C8orf34: variants seen among roughly 807,000 people sequenced by gnomAD.
C8orf34 encodes the protein chromosome 8 open reading frame 34.
C8orf34 carries 65 observed loss-of-function variants against 68.3 expected under a neutral mutation model. That is an observed-to-expected ratio of 0.95 (90% CI 0.78 to 1.17). The LOEUF is 1.17. Among genes scored for constraint, C8orf34 ranks in the 50% most tolerant of loss-of-function variants. The probability of loss-of-function intolerance (pLI) is 0.00; values close to 1 mark genes in which losing one functional copy is unlikely to be tolerated. For synonymous variants in C8orf34, 244 were observed against 241.2 expected (o/e 1.01, Z -0.11); for missense variants, 664 against 655.4 (o/e 1.01, Z -0.14).
chr8:68,794,505 A>ATATATATTTTTTT (rs1313909362), intron 12 of C8orf34, among the ~76,000 whole-genome samples: 4 of 62,252 alleles, frequency 6.4e-5, no homozygotes, highest in African/African-American at 3.7e-4. Context: ...ATATATATAT[A>ATATATATTTTTTT]TTTTTTTTTT....
At chr8:68,801,595 T>C (rs1219683184) in intron 12 of C8orf34, among the ~76,000 whole-genome samples, 3 of 152,218 alleles carry the variant, frequency 2.0e-5, no homozygotes. Flanking sequence ...ATTTAAAAAA[T>C]GTTAACAGTG....
intron 7 of C8orf34, among the ~76,000 whole-genome samples, chr8:68,604,504 A>G (rs1563556447): frequency 6.6e-6 from 1 of 152,166 alleles, no homozygotes; most frequent in Non-Finnish European, 1.5e-5. Flanking sequence ...ATAAGTGCAG[A>G]TATTTTTAAT....
rs1431662394 is a variant in C8orf34 at position 68,585,905 on chromosome 8, C to T, written c.1105+52756C>T. Among the ~76,000 whole-genome samples, 3 of 152,236 alleles carry T rather than the reference C, an allele frequency of 2.0e-5. No homozygotes were observed. The East Asian group carries it at 5.8e-4, about 29-fold the overall frequency. On this transcript the variant is annotated intron_variant, in intron 7 of 13. Coordinates refer to ENST00000518698, the MANE Select transcript of C8orf34 (RefSeq NM_052958.4). Reference sequence around the variant, plus strand: ...TTTTATGAGTTAGCCTCAGAAGTAACATACCATCACTTCTGCCATATTCTA... The same window carrying T: ...TTTTATGAGTTAGCCTCAGAAGTAATATACCATCACTTCTGCCATATTCTA...
At chr8:68,459,331 G>T (rs968480388) in intron 3 of C8orf34, among the ~76,000 whole-genome samples, 1 of 152,148 alleles carries the variant, frequency 6.6e-6, no homozygotes, top group Admixed American at 6.5e-5. Flanking sequence ...CCAGGTTCAA[G>T]TGATTCTCCT....
At chr8:68,704,657 C>T (rs2130945979) in intron 8 of C8orf34, among the ~76,000 whole-genome samples, 1 of 152,248 alleles carries the variant, frequency 6.6e-6, no homozygotes, top group Non-Finnish European at 1.5e-5. Flanking sequence ...CATCCACCCA[C>T]AACTCTTCAT....
chr8:68,749,390 T>TA (rs1013557812), intron 10 of C8orf34, among the ~76,000 whole-genome samples: 4 of 150,124 alleles, frequency 2.7e-5, no homozygotes, highest in African/African-American at 7.4e-5. Flanking sequence ...AATATAATAA[T>TA]AAAAAAAAGA....
chr8:68,666,429 T>C (rs1249952897), intron 8 of C8orf34, among the ~76,000 whole-genome samples: 1 of 152,224 alleles, frequency 6.6e-6, no homozygotes, highest in African/African-American at 2.4e-5. Flanking sequence ...TATTGCTGTT[T>C]AAAGGAGAAT....
intron 10 of C8orf34, among the ~76,000 whole-genome samples, chr8:68,743,341 A>G (rs986707574): frequency 3.3e-5 from 5 of 152,162 alleles, no homozygotes; most frequent in African/African-American, 4.8e-5. Context: ...TTTAGGTATT[A>G]TAAGATTTAC....
At chr8:68,586,140 C>G (rs1000430431) in intron 7 of C8orf34, among the ~76,000 whole-genome samples, 5 of 152,118 alleles carry the variant, frequency 3.3e-5, no homozygotes, top group African/African-American at 1.2e-4. Flanking sequence ...TAGTCTACAT[C>G]TGGCTTTGAT....
At chr8:68,630,703 A>C (rs1311315211) in intron 7 of C8orf34, among the ~76,000 whole-genome samples, 2 of 152,118 alleles carry the variant, frequency 1.3e-5, no homozygotes, top group Non-Finnish European at 2.9e-5. Flanking sequence ...ATTCCAAAAA[A>C]GTCCTACAAT....
intron 1 of C8orf34, among the ~76,000 whole-genome samples, chr8:68,436,705 T>C (rs553563980): frequency 5.9e-5 from 9 of 152,276 alleles, no homozygotes; most frequent in African/African-American, 2.2e-4. Context: ...TGTTCTAGAA[T>C]ACTTTTTTCC....
Position 68,422,494 on chromosome 8 carries a change from C to T in C8orf34, c.328-17005C>T, listed in dbSNP as rs114176664. 4.7e-3 allele frequency among the ~76,000 whole-genome samples: 715 copies of T among 152,302 alleles called. 8 individuals are homozygous for T. The highest frequency in any genetic ancestry group is 0.017 in the African/African-American group (686 of 41,568). On this transcript the variant is annotated intron_variant, in intron 1 of 13. Coordinates refer to ENST00000518698, the MANE Select transcript of C8orf34 (RefSeq NM_052958.4). ...GTCATGCTGATCCAAGAGGTAGACT[C>T]CCATGACCTTGGGCAGCTCTACTCC...
At chr8:68,643,314 A>G (rs752960265) in intron 8 of C8orf34, among the ~76,000 whole-genome samples, 2 of 152,218 alleles carry the variant, frequency 1.3e-5, no homozygotes, top group Non-Finnish European at 2.9e-5. Flanking sequence ...TGTGAGAATT[A>G]TACTTTCTAA....
At chr8:68,504,458 G>A (rs1423513940) in intron 5 of C8orf34, among the ~76,000 whole-genome samples, 1 of 152,078 alleles carries the variant, frequency 6.6e-6, no homozygotes, top group Non-Finnish European at 1.5e-5. Context: ...GATAGGGAAT[G>A]CTAGGTCATA....
chr8:68,460,220 C>T (rs577106695), intron 3 of C8orf34, among the ~76,000 whole-genome samples: 215 of 152,282 alleles, frequency 1.4e-3, no homozygotes, highest in African/African-American at 4.9e-3. Flanking sequence ...AACTGCAAGG[C>T]AGCAGCGAGG....
intron 7 of C8orf34, among the ~76,000 whole-genome samples, chr8:68,577,818 A>T (rs1360648109): frequency 6.6e-6 from 1 of 151,942 alleles, no homozygotes; most frequent in Non-Finnish European, 1.5e-5. Flanking sequence ...CAATAATTCT[A>T]AAAACCTTAC....
chr8:68,773,157 CG>C (rs1823403045), intron 10 of C8orf34, among the ~76,000 whole-genome samples: 1 of 152,060 alleles, frequency 6.6e-6, no homozygotes, highest in African/African-American at 2.4e-5. Flanking sequence ...ATTTCATTAG[CG>C]ATCCCAGTGA....
At chr8:68,519,128 G>A (rs539193818) in intron 5 of C8orf34, among the ~76,000 whole-genome samples, 1 of 152,250 alleles carries the variant, frequency 6.6e-6, no homozygotes, top group Non-Finnish European at 1.5e-5. Context: ...TTTAATAGAA[G>A]TGACTGTTCG....
chr8:68,682,074 G>C (rs1820385614), intron 8 of C8orf34, among the ~76,000 whole-genome samples: 1 of 152,100 alleles, frequency 6.6e-6, no homozygotes, highest in South Asian at 2.1e-4. Flanking sequence ...AATATAATTA[G>C]ATAGAACAAA....
Sources: allele counts gnomAD v4.1 joint callset (sites outside exome capture counted in the v4.1 genomes callset), GRCh38; gene constraint gnomAD v4.1.1; transcripts MANE v1.5; gene names NCBI Gene and HGNC (gene_info 2026-07-23, HGNC 2026-07-21).